PCDHA4: variants seen among roughly 807,000 people sequenced by gnomAD.
PCDHA4 encodes protocadherin alpha 4.
PCDHA4 carries 49 observed loss-of-function variants against 61.4 expected under a neutral mutation model. That is an observed-to-expected ratio of 0.80 (90% CI 0.63 to 1.01). The LOEUF is 1.01. Among genes scored for constraint, PCDHA4 ranks in the 50% least tolerant of loss-of-function variants. The pLI, the probability that PCDHA4 is intolerant of heterozygous loss-of-function variation, is 0.00. For missense variants in PCDHA4, 1,254 were observed against 1,235.8 expected (o/e 1.01, Z -0.22); for synonymous variants, 590 against 550.3 (o/e 1.07, Z -1.01).
intron 1 of PCDHA4, among the ~76,000 whole-genome samples, chr5:140,892,991 A>G (rs1477087965): frequency 1.3e-5 from 2 of 152,196 alleles, no homozygotes; most frequent in African/African-American, 2.4e-5. Context: ...TATAAGTGAG[A>G]ACATGTATTT....
chr5:140,807,388 G>T lies in PCDHA4; in HGVS notation c.201G>T (p.Ala67=), dbSNP rs1554123918. 1 of 1,486,600 alleles carries T rather than the reference G, an allele frequency of 6.7e-7. No homozygotes were observed. Among genetic ancestry groups the T allele is most frequent in the African/African-American group, 1.5e-5 (1 of 64,640 alleles). 92.1% of individuals were successfully genotyped at this position (1,486,600 alleles called of 1,614,324 possible). The change falls in exon 1 of 4, where the codon GCG becomes GCT. Residue 67 remains alanine (A), a synonymous_variant. Transcript: ENST00000530339. ...AELVPRLFRV[A]SKGRGGLLEV... is the part of the protein sequence containing the mutation. ...TGGTGCCGCGCCTGTTCCGGGTGGC[G>T]TCCAAGGGCCGCGGAGGCCTTCTGG...
At chr5:140,875,761 G>C (rs373515339) in intron 1 of PCDHA4, 4 of 1,614,118 alleles carry the variant, frequency 2.5e-6, no homozygotes, top group East Asian at 4.5e-5. Context: ...GAAGCTGTGC[G>C]GGCGGAGCGC....
intron 1 of PCDHA4, among the ~76,000 whole-genome samples, chr5:140,935,909 T>C (rs1452831803): frequency 6.6e-6 from 1 of 151,600 alleles, no homozygotes; most frequent in African/African-American, 2.4e-5. Flanking sequence ...TTTTTTTTTT[T>C]TGAGACAGAT....
intron 1 of PCDHA4, chr5:140,841,459 C>A (rs1554138209): frequency 1.9e-6 from 3 of 1,612,886 alleles, no homozygotes; most frequent in African/African-American, 2.7e-5. Context: ...CCTTCGTGGG[C>A]CGGATCGCGC....
intron 1 of PCDHA4, chr5:140,884,564 A>C: frequency 6.2e-7 from 1 of 1,614,118 alleles, no homozygotes; most frequent in Non-Finnish European, 8.5e-7. Flanking sequence ...GGGCCCGCAT[A>C]AGACGGACCT....
intron 1 of PCDHA4, chr5:140,843,080 G>A (rs1554139718): frequency 2.5e-6 from 4 of 1,595,426 alleles, no homozygotes; most frequent in African/African-American, 2.7e-5. Context: ...GTCTGTGGGC[G>A]CGGGCCACGT....
intron 2 of PCDHA4, 179 bp from the exon 3 acceptor site, chr5:140,982,296 C>G (rs886254601): frequency 8.6e-7 from 1 of 1,167,014 alleles, no homozygotes; most frequent in African/African-American, 1.5e-5. Context: ...AGTAAGTCAG[C>G]AATGCTTCTG....
intron 1 of PCDHA4, chr5:140,869,446 C>A (rs2051137912): frequency 1.2e-6 from 2 of 1,614,070 alleles, no homozygotes; most frequent in Admixed American, 1.7e-5. Context: ...CAGGCCGCTG[C>A]AGGTTTTCCA....
intron 1 of PCDHA4, among the ~76,000 whole-genome samples, chr5:140,931,894 A>G (rs1242530874): frequency 1.3e-5 from 2 of 151,966 alleles, no homozygotes; most frequent in African/African-American, 4.8e-5. Flanking sequence ...TTTTATTTCA[A>G]ATCATTTGAA....
chr5:140,914,185 C>G (rs1183431482), intron 1 of PCDHA4, among the ~76,000 whole-genome samples: 1 of 152,130 alleles, frequency 6.6e-6, no homozygotes, highest in Non-Finnish European at 1.5e-5. Flanking sequence ...AATTCTCCAC[C>G]TATTATTGTA....
intron 1 of PCDHA4, among the ~76,000 whole-genome samples, chr5:140,901,300 C>T (rs189786790): frequency 3.3e-5 from 5 of 152,176 alleles, no homozygotes; most frequent in African/African-American, 9.6e-5. Flanking sequence ...ACTGATGTTC[C>T]GGAGAGTTTC....
chr5:140,903,279 A>C (rs940299316), intron 1 of PCDHA4, among the ~76,000 whole-genome samples: 1 of 152,170 alleles, frequency 6.6e-6, no homozygotes, highest in East Asian at 1.9e-4. Flanking sequence ...GTAGTGTCTC[A>C]TTGTGCATTA....
At chr5:140,899,251 G>A (rs1322090098) in intron 1 of PCDHA4, among the ~76,000 whole-genome samples, 1 of 152,082 alleles carries the variant, frequency 6.6e-6, no homozygotes, top group Non-Finnish European at 1.5e-5. Flanking sequence ...GTGAGAGAGG[G>A]CATCCCTGTC....
At chr5:140,979,068 C>G in intron 2 of PCDHA4, 61 bp downstream of exon 2, 1 of 1,602,182 alleles carries the variant, frequency 6.2e-7, no homozygotes. Flanking sequence ...CTCAGATAAA[C>G]TGCATCTCCA....
intron 1 of PCDHA4, 170 bp from the exon 2 acceptor site, chr5:140,978,779 C>T: frequency 2.1e-6 from 2 of 969,908 alleles, no homozygotes; most frequent in Non-Finnish European, 2.5e-6. Flanking sequence ...TAATTTTCTT[C>T]TAAAGTGCTA....
At position 140,807,570 on chromosome 5, in the gene PCDHA4, A is replaced by G. The variant is rs1562210104; in HGVS notation, c.383A>G (p.Asp128Gly). 2 of 1,614,162 alleles carry G rather than the reference A, an allele frequency of 1.2e-6. No homozygotes were observed. The highest frequency in any genetic ancestry group is 2.2e-5 in the East Asian group (1 of 44,888). ...HVDVEVRDIN[D>G]NPPVFPATQK... ...GACGTGGAGGTGAGGGACATTAACG[A>G]TAACCCGCCGGTGTTCCCAGCAACA... Residue 128 changes from aspartate (D) to glycine (G), a missense_variant, in exon 1 of 4, where the codon GAT becomes GGT. Transcript: ENST00000530339.
intron 1 of PCDHA4, among the ~76,000 whole-genome samples, chr5:140,946,432 A>C (rs1254032204): frequency 6.6e-6 from 1 of 151,682 alleles, no homozygotes; most frequent in Admixed American, 6.6e-5. Context: ...GTTACTCAAA[A>C]ATTGAGACTA....
chr5:140,990,189 A>C (rs2097379694), intron 3 of PCDHA4, among the ~76,000 whole-genome samples: 1 of 152,218 alleles, frequency 6.6e-6, no homozygotes, highest in Non-Finnish European at 1.5e-5. Flanking sequence ...TAAGAACCAA[A>C]TGTGGACCCG....
intron 2 of PCDHA4, among the ~76,000 whole-genome samples, chr5:140,979,316 G>A (rs782153299): frequency 2.0e-5 from 3 of 151,950 alleles, no homozygotes; most frequent in Non-Finnish European, 4.4e-5. Context: ...CTCTACCTAT[G>A]CTTTCTTTTC....
Sources: allele counts gnomAD v4.1 joint callset (sites outside exome capture counted in the v4.1 genomes callset), GRCh38; gene constraint gnomAD v4.1.1; transcripts MANE v1.5; gene names NCBI Gene and HGNC (gene_info 2026-07-23, HGNC 2026-07-21).